Variants in SPSB4 observed in about 807,000 individuals in gnomAD.
The protein encoded by SPSB4 is SPRY domain-containing SOCS box protein 4.
Under a neutral mutation model 20.9 loss-of-function variants are expected in SPSB4, and 21 were observed. The ratio of observed to expected loss-of-function variants is 1.01; its 90% CI spans 0.71 to 1.45. The LOEUF is 1.45. SPSB4 is among the 40% of genes most tolerant of loss of function. The pLI is 0.00. For synonymous variants in SPSB4, 207 were observed against 183.8 expected (o/e 1.13, Z -1.02); for missense variants, 399 against 399.2 (o/e 1.00, Z 0.00).
intron 2 of SPSB4, among the ~76,000 whole-genome samples, chr3:141,113,691 A>G (rs1295195272): frequency 6.6e-6 from 1 of 152,202 alleles, no homozygotes; most frequent in Non-Finnish European, 1.5e-5. Context: ...TGACTGCTTA[A>G]TGGGCACAGG....
intron 2 of SPSB4, among the ~76,000 whole-genome samples, chr3:141,137,903 G>A (rs1475804317): frequency 2.0e-5 from 3 of 152,166 alleles, no homozygotes; most frequent in Admixed American, 6.5e-5. Flanking sequence ...AGTTTCAGAA[G>A]GAATGGTACC....
chr3:141,092,402 A>C (rs1380107349), intron 2 of SPSB4, among the ~76,000 whole-genome samples: 1 of 152,232 alleles, frequency 6.6e-6, no homozygotes, highest in Non-Finnish European at 1.5e-5. Flanking sequence ...TTCACTAACC[A>C]TATCTACCAT....
intron 2 of SPSB4, among the ~76,000 whole-genome samples, chr3:141,134,950 GAT>G (rs2107805825): frequency 6.6e-6 from 1 of 151,074 alleles, no homozygotes; most frequent in South Asian, 2.1e-4. Context: ...CACTGCAAAA[GAT>G]ATATAAGCAT....
chr3:141,093,835 C>G (rs777349941), intron 2 of SPSB4, among the ~76,000 whole-genome samples: 1 of 152,178 alleles, frequency 6.6e-6, no homozygotes, highest in African/African-American at 2.4e-5. Flanking sequence ...GAGCCTGAGC[C>G]GTGCCTTGCT....
intron 2 of SPSB4, among the ~76,000 whole-genome samples, chr3:141,137,726 G>A (rs981426507): frequency 2.6e-5 from 4 of 152,106 alleles, no homozygotes; most frequent in Non-Finnish European, 5.9e-5. Flanking sequence ...GTTTTGCTGG[G>A]TTTGGTTTGC....
chr3:141,066,442 C>A lies in SPSB4; in HGVS notation c.338C>A (p.Ala113Asp). ...CCGGCTCGGCAGCGCGGCACCCACGCTGTAGTTGGTGTGGCCACGGCCCGT... is the reference window on the plus strand; with the variant it reads ...CCGGCTCGGCAGCGCGGCACCCACGATGTAGTTGGTGTGGCCACGGCCCGT... Reference protein sequence around the residue: ...NWPARQRGTHAVVGVATARAP... With the variant: ...NWPARQRGTHDVVGVATARAP... The change falls in exon 2 of 3, where the codon GCT becomes GAT. Residue 113 changes from alanine (A) to aspartate (D), a missense_variant. Physicochemically the swap from Ala to Asp is moderately radical, Grantham distance 126 (BLOSUM62 -2). Coordinates refer to ENST00000310546, the MANE Select transcript of SPSB4 (RefSeq NM_080862.3). The A allele has an allele frequency of 1.3e-6, 2 of 1,506,384 alleles. No homozygotes were observed. The highest frequency in any genetic ancestry group is 1.8e-6 in the Non-Finnish European group (2 of 1,128,484). The allele number at this position is 1,506,384 out of a possible 1,614,324, so 93.3% of individuals were successfully genotyped here. A position where few individuals can be genotyped will look rare whatever the true frequency, so the allele number is the denominator to read the frequency against.
intron 2 of SPSB4, among the ~76,000 whole-genome samples, chr3:141,088,796 G>A (rs1938397085): frequency 2.0e-5 from 3 of 152,066 alleles, no homozygotes; most frequent in African/African-American, 4.8e-5. Flanking sequence ...TCCCTTCCCT[G>A]TCTCACTTTC....
At chr3:141,095,411 G>A (rs1220185722) in intron 2 of SPSB4, among the ~76,000 whole-genome samples, 2 of 152,124 alleles carry the variant, frequency 1.3e-5, no homozygotes, top group African/African-American at 2.4e-5. Flanking sequence ...CTGTCCTGGG[G>A]CGCAGAACAG....
intron 2 of SPSB4, among the ~76,000 whole-genome samples, chr3:141,145,526 G>A (rs1013442760): frequency 6.6e-5 from 10 of 152,046 alleles, no homozygotes; most frequent in South Asian, 2.1e-4. Flanking sequence ...TGCAGGCCTC[G>A]GGTGGATCTG....
chr3:141,112,644 CAA>C (rs60396514), intron 2 of SPSB4, among the ~76,000 whole-genome samples: 998 of 32,766 alleles, frequency 0.03, 4 homozygotes, highest in African/African-American at 0.1. Context: ...GACTCCGTCT[CAA>C]AAAAAAAAAA....
intron 2 of SPSB4, among the ~76,000 whole-genome samples, chr3:141,120,689 C>T (rs1481034898): frequency 1.3e-5 from 2 of 152,136 alleles, no homozygotes; most frequent in Admixed American, 1.3e-4. Flanking sequence ...CTCTTTTGAT[C>T]TTTGTTGGTT....
rs80000331 is a variant in SPSB4 at position 141,057,313 on chromosome 3, G to C, written c.-154+5321G>C. Among the ~76,000 whole-genome samples, 1,353 of 152,238 alleles carry C rather than the reference G, an allele frequency of 8.9e-3. 25 individuals carry two copies. The highest frequency in any genetic ancestry group is 0.031 in the African/African-American group (1,275 of 41,526). On this transcript the variant is annotated intron_variant, in intron 1 of 2. Coordinates refer to ENST00000310546, the MANE Select transcript of SPSB4 (RefSeq NM_080862.3). The stretch of plus-strand genomic sequence containing the variant: ...GCCTCCCTACTTAATATTTGCACAA[G>C]AAAAATCTTAAAAACATTCCAGTTA...
At chr3:141,084,877 G>A (rs2107788602) in intron 2 of SPSB4, among the ~76,000 whole-genome samples, 1 of 152,348 alleles carries the variant, frequency 6.6e-6, no homozygotes, top group East Asian at 1.9e-4. Context: ...CTGGGCCCAT[G>A]GGGAAGATCA....
At chr3:141,144,514 G>A (rs989869795) in intron 2 of SPSB4, among the ~76,000 whole-genome samples, 3 of 152,356 alleles carry the variant, frequency 2.0e-5, no homozygotes, top group South Asian at 2.1e-4. Context: ...GAGAATGGGC[G>A]CAGCCAACGT....
In SPSB4 at chr3:141,070,552, T is replaced by A. The variant is rs558508529; in HGVS notation, c.694+3754T>A. Among the ~76,000 whole-genome samples, 19 of 151,984 alleles carry A rather than the reference T, an allele frequency of 1.3e-4. No individual in the cohort carries two copies. In the South Asian group the frequency reaches 2.1e-3, roughly 17 times the overall value. ...AGGTAATGGCTAATTTAAAAAAAAA[T>A]TTTTTTTGTAGAGACAATGTCTCAC... On this transcript the variant is annotated intron_variant, in intron 2 of 2. Coordinates refer to ENST00000310546, the MANE Select transcript of SPSB4 (RefSeq NM_080862.3).
intron 2 of SPSB4, among the ~76,000 whole-genome samples, chr3:141,074,473 C>T (rs1004990453): frequency 2.6e-5 from 4 of 152,070 alleles, no homozygotes; most frequent in Non-Finnish European, 4.4e-5. Flanking sequence ...GGATTTCACA[C>T]GAGGGAATCT....
chr3:141,072,555 ACTTTCC>A (rs1250116479), intron 2 of SPSB4, among the ~76,000 whole-genome samples: 1 of 152,008 alleles, frequency 6.6e-6, no homozygotes, highest in East Asian at 1.9e-4. Context: ...TGACACACCT[ACTTTCC>A]CTTTGCCTTT....
At chr3:141,059,909 G>C (rs1454235450) in intron 1 of SPSB4, among the ~76,000 whole-genome samples, 9 of 152,240 alleles carry the variant, frequency 5.9e-5, no homozygotes, top group Non-Finnish European at 8.8e-5. Context: ...ACCAGTCTCA[G>C]AGAGATTAAG....
chr3:141,065,828 G>C (rs1937853661), intron 1 of SPSB4, 124 bp from the exon 2 acceptor site: 2 of 435,288 alleles, frequency 4.6e-6, no homozygotes, highest in South Asian at 8.6e-5. Flanking sequence ...CCAGATATGA[G>C]TGTACGAATT....
Sources: allele counts gnomAD v4.1 joint callset (sites outside exome capture counted in the v4.1 genomes callset), GRCh38; gene constraint gnomAD v4.1.1; transcripts MANE v1.5; gene names NCBI Gene and HGNC (gene_info 2026-07-23, HGNC 2026-07-21).